SHC4: variants seen among roughly 807,000 people sequenced by gnomAD.
SHC4 encodes the protein SHC-transforming protein 4.
Under a neutral mutation model 69.4 loss-of-function variants are expected in SHC4, and 41 were observed. The ratio of observed to expected loss-of-function variants is 0.59; its 90% CI spans 0.46 to 0.77. SHC4 has a LOEUF of 0.77. Ranked by LOEUF, SHC4 falls within the 30% of genes least tolerant of loss-of-function variation. SHC4 has a pLI of 0.00. For synonymous variants in SHC4, 318 were observed against 299.3 expected (o/e 1.06, Z -0.64); for missense variants, 777 against 783.8 (o/e 0.99, Z 0.10).
At chr15:48,901,737 A>C (rs1454728542) in intron 2 of SHC4, among the ~76,000 whole-genome samples, 2 of 152,244 alleles carry the variant, frequency 1.3e-5, no homozygotes, top group Admixed American at 1.3e-4. Flanking sequence ...GCCAGAGTTC[A>C]AAATCTAGCT....
intron 1 of SHC4, among the ~76,000 whole-genome samples, chr15:48,938,639 G>A (rs1901118154): frequency 6.6e-6 from 1 of 152,146 alleles, no homozygotes; most frequent in Non-Finnish European, 1.5e-5. Flanking sequence ...TTGCAATTGG[G>A]GAGGCACAGA....
At chr15:48,854,810 A>G (rs1359446277) in intron 8 of SHC4, among the ~76,000 whole-genome samples, 3 of 152,160 alleles carry the variant, frequency 2.0e-5, no homozygotes, top group African/African-American at 2.4e-5. Context: ...GACACTGGCG[A>G]CCACTAAAAG....
chr15:48,840,822 T>A (rs1898976041), intron 10 of SHC4, among the ~76,000 whole-genome samples: 1 of 152,120 alleles, frequency 6.6e-6, no homozygotes, highest in African/African-American at 2.4e-5. Context: ...CCAAGAGCGC[T>A]ATGGTACATT....
intron 4 of SHC4, among the ~76,000 whole-genome samples, chr15:48,881,586 G>C (rs1290629589): frequency 1.3e-5 from 2 of 152,094 alleles, no homozygotes; most frequent in Non-Finnish European, 2.9e-5. Context: ...GAGACTAAAG[G>C]ATGTCTCAAT....
chr15:48,849,238 T>C (rs1359976763), intron 9 of SHC4, among the ~76,000 whole-genome samples: 2 of 152,102 alleles, frequency 1.3e-5, no homozygotes, highest in Non-Finnish European at 2.9e-5. Flanking sequence ...CCCTGCTCTC[T>C]CTCCCTCTCT....
chr15:48,854,043 C>T (rs990618558), intron 8 of SHC4, among the ~76,000 whole-genome samples: 2 of 152,110 alleles, frequency 1.3e-5, no homozygotes, highest in African/African-American at 4.8e-5. Context: ...AGACAATCTA[C>T]AGAATGGGAG....
chr15:48,942,250 T>G (rs1049102724), intron 1 of SHC4, among the ~76,000 whole-genome samples: 1 of 152,110 alleles, frequency 6.6e-6, no homozygotes, highest in Non-Finnish European at 1.5e-5. Context: ...CCCCTTTATT[T>G]CCAAAGCATT....
intron 4 of SHC4, chr15:48,877,425 T>C: frequency 1.0e-6 from 1 of 976,488 alleles, no homozygotes; most frequent in Non-Finnish European, 1.2e-6. Flanking sequence ...CATATAAGTA[T>C]ATACAACTTA....
At chr15:48,887,209 T>G (rs1469900197) in intron 3 of SHC4, among the ~76,000 whole-genome samples, 1 of 152,144 alleles carries the variant, frequency 6.6e-6, no homozygotes, top group Non-Finnish European at 1.5e-5. Context: ...CAAACAAAGA[T>G]CTGACTATAT....
At chr15:48,902,161 C>T (rs1195030384) in intron 2 of SHC4, among the ~76,000 whole-genome samples, 1 of 150,790 alleles carries the variant, frequency 6.6e-6, no homozygotes, top group Admixed American at 6.6e-5. Context: ...TGAGATTGTG[C>T]CACTGCACTC....
At chr15:48,900,294 G>C (rs1000992224) in intron 2 of SHC4, among the ~76,000 whole-genome samples, 1 of 152,072 alleles carries the variant, frequency 6.6e-6, no homozygotes, top group Non-Finnish European at 1.5e-5. Context: ...GATGACCTGA[G>C]GTCAGGAGTT....
At chr15:48,919,081 A>G (rs1014311966) in intron 2 of SHC4, among the ~76,000 whole-genome samples, 1 of 50,092 alleles carries the variant, frequency 2.0e-5, no homozygotes, top group African/African-American at 4.8e-5. Flanking sequence ...AATCAGCCTC[A>G]CTGCTTTCAA....
At chr15:48,870,978 T>C (rs899506235) in intron 5 of SHC4, among the ~76,000 whole-genome samples, 5 of 152,216 alleles carry the variant, frequency 3.3e-5, no homozygotes, top group Admixed American at 6.5e-5. Flanking sequence ...AAAACTACCA[T>C]GGTATCAGCT....
intron 8 of SHC4, 40 bp from the exon 9 acceptor site, chr15:48,851,288 T>G (rs748207501): frequency 6.3e-7 from 1 of 1,597,190 alleles, no homozygotes. Flanking sequence ...ACAAACATAG[T>G]ACACATTCAT....
chr15:48,928,955 G>A (rs550151547), intron 1 of SHC4, among the ~76,000 whole-genome samples: 1 of 152,194 alleles, frequency 6.6e-6, no homozygotes, highest in African/African-American at 2.4e-5. Flanking sequence ...CCTCTGAGGT[G>A]TGTCATTTGA....
intron 9 of SHC4, among the ~76,000 whole-genome samples, chr15:48,848,212 G>T (rs760297825): frequency 3.3e-5 from 5 of 152,092 alleles, no homozygotes; most frequent in Non-Finnish European, 7.4e-5. Flanking sequence ...TCCCACCATG[G>T]TTTTAGTAGC....
At chr15:48,922,517 C>T (rs996985148) in intron 2 of SHC4, among the ~76,000 whole-genome samples, 1 of 152,224 alleles carries the variant, frequency 6.6e-6, no homozygotes, top group Non-Finnish European at 1.5e-5. Flanking sequence ...CAGCCAGGTT[C>T]TTCTTGCTGC....
chr15:48,835,037 CAAAG>C lies in SHC4; in HGVS notation c.1484-19_1484-16del, dbSNP rs1898875378. ...TTCTGGTGCCTCTGAAGTCAGAACA[CAAAG>C]AGAGACATCATCGAGTTACCTCTTC... is the stretch of plus-strand genomic sequence containing the variant. On this transcript the variant is annotated splice_polypyrimidine_tract_variant and intron_variant, in intron 10 of 11. Transcript: ENST00000332408. The C allele has an allele frequency of 1.3e-6, 2 of 1,598,888 alleles. No homozygotes were observed. Among genetic ancestry groups the C allele is most frequent in the Non-Finnish European group, 1.7e-6 (2 of 1,172,242 alleles).
chr15:48,954,561 C>T (rs939732341), intron 1 of SHC4, among the ~76,000 whole-genome samples: 8 of 152,232 alleles, frequency 5.3e-5, no homozygotes, highest in South Asian at 2.1e-4. Context: ...AGATGCTTTT[C>T]GCTTTGCTGC....
Sources: allele counts gnomAD v4.1 joint callset (sites outside exome capture counted in the v4.1 genomes callset), GRCh38; gene constraint gnomAD v4.1.1; transcripts MANE v1.5; gene names NCBI Gene and HGNC (gene_info 2026-07-23, HGNC 2026-07-21).